HCN1: variants seen among roughly 807,000 people sequenced by gnomAD.
The protein encoded by HCN1 is potassium/sodium hyperpolarization-activated cyclic nucleotide-gated channel 1.
A neutral mutation model predicts 78.9 loss-of-function variants in HCN1; 13 were observed. That is an observed-to-expected ratio of 0.16 (90% confidence interval 0.11 to 0.26). The LOEUF (loss-of-function observed/expected upper bound fraction) is 0.26, where lower values mean the gene tolerates loss of function less well. Among genes scored for constraint, HCN1 ranks in the 10% least tolerant of loss-of-function variants. HCN1 has a pLI of 1.00. For missense variants in HCN1, 810 were observed against 1,154.3 expected, an observed-to-expected ratio of 0.70 and a Z score of 4.32; for synonymous variants, 552 against 455.5, an observed-to-expected ratio of 1.21 and a Z score of -2.70.
intron 5 of HCN1, among the ~76,000 whole-genome samples, chr5:45,316,572 G>T (rs889827601): frequency 6.6e-6 from 1 of 152,226 alleles, no homozygotes; most frequent in South Asian, 2.1e-4. Context: ...AGGGCAATCA[G>T]GCAGGAGAAA....
chr5:45,504,866 T>C (rs1184938347), intron 2 of HCN1, among the ~76,000 whole-genome samples: 1 of 152,232 alleles, frequency 6.6e-6, no homozygotes, highest in Non-Finnish European at 1.5e-5. Context: ...ATAAGCATTT[T>C]TTCATGTGTC....
chr5:45,677,643 G>T (rs958173346), intron 1 of HCN1, among the ~76,000 whole-genome samples: 2 of 151,698 alleles, frequency 1.3e-5, no homozygotes, highest in African/African-American at 2.4e-5. Flanking sequence ...TTCAAGGTAG[G>T]AATGAAAGGG....
intron 3 of HCN1, among the ~76,000 whole-genome samples, chr5:45,428,474 A>T (rs1169934599): frequency 6.6e-6 from 1 of 152,080 alleles, no homozygotes; most frequent in Non-Finnish European, 1.5e-5. Context: ...TTTAAAAAAA[A>T]TTCATGTCAC....
intron 6 of HCN1, among the ~76,000 whole-genome samples, chr5:45,269,276 CTT>C (rs1289730957): frequency 3.3e-5 from 5 of 152,152 alleles, no homozygotes; most frequent in African/African-American, 1.2e-4. Context: ...GAATTCTACA[CTT>C]TAATGAATTA....
chr5:45,565,289 C>T (rs932406296), intron 2 of HCN1, among the ~76,000 whole-genome samples: 17 of 152,146 alleles, frequency 1.1e-4, no homozygotes, highest in Admixed American at 4.6e-4. Flanking sequence ...GAAGTGTCAT[C>T]ATTAAGCTGC....
chr5:45,288,474 C>A (rs1267364259), intron 6 of HCN1, among the ~76,000 whole-genome samples: 2 of 151,940 alleles, frequency 1.3e-5, no homozygotes, highest in African/African-American at 2.4e-5. Flanking sequence ...CTGTAGAAAG[C>A]GTCTGTCTTA....
intron 2 of HCN1, among the ~76,000 whole-genome samples, chr5:45,501,474 G>A (rs1004603894): frequency 2.0e-5 from 3 of 151,352 alleles, no homozygotes; most frequent in African/African-American, 7.3e-5. Context: ...TGCTCTTGTC[G>A]CCCAGGCTGG....
intron 5 of HCN1, among the ~76,000 whole-genome samples, chr5:45,304,481 G>T (rs886615269): frequency 6.6e-6 from 1 of 152,000 alleles, no homozygotes. Context: ...TTCAAGACCA[G>T]CCTGGTCAAG....
chr5:45,335,558 G>T (rs1008479451), intron 5 of HCN1, among the ~76,000 whole-genome samples: 1 of 151,980 alleles, frequency 6.6e-6, no homozygotes, highest in Admixed American at 6.6e-5. Context: ...TCCCTCCTGA[G>T]TACTGGCCTG....
At chr5:45,517,417 C>T (rs1172521767) in intron 2 of HCN1, among the ~76,000 whole-genome samples, 1 of 147,908 alleles carries the variant, frequency 6.8e-6, no homozygotes, top group Non-Finnish European at 1.5e-5. Flanking sequence ...TTCATGCATA[C>T]ATTCATATTG....
chr5:45,598,041 G>C (rs958713715), intron 2 of HCN1, among the ~76,000 whole-genome samples: 2 of 152,024 alleles, frequency 1.3e-5, no homozygotes, highest in Middle Eastern at 6.8e-3. Flanking sequence ...CAATGACTTT[G>C]TTCACAGAAT....
chr5:45,549,223 A>T (rs1274670762), intron 2 of HCN1, among the ~76,000 whole-genome samples: 1 of 152,176 alleles, frequency 6.6e-6, no homozygotes. Flanking sequence ...AGCTGGAGGC[A>T]TCACGCTACC....
chr5:45,587,470 G>A (rs1561211524), intron 2 of HCN1, among the ~76,000 whole-genome samples: 2 of 150,376 alleles, frequency 1.3e-5, no homozygotes, highest in African/African-American at 4.9e-5. Context: ...AACACTGCAT[G>A]TTCTCACTCA....
chr5:45,261,885 G>A lies in HCN1; in HGVS notation c.*36C>T. On this transcript the variant is annotated 3_prime_UTR_variant, in exon 8 of 8. Coordinates refer to ENST00000303230, the MANE Select transcript of HCN1 (RefSeq NM_021072.4). ...AGATCTGAGTATAGTCTCAGTTTAT[G>A]AGAGTATTTCTTTCTGCTTTGACAA... 1 of 1,612,596 alleles carries A rather than the reference G, an allele frequency of 6.2e-7. No individual in the cohort carries two copies. Among genetic ancestry groups the A allele is most frequent in the Non-Finnish European group, 8.5e-7 (1 of 1,179,138 alleles).
intron 2 of HCN1, among the ~76,000 whole-genome samples, chr5:45,555,489 A>G (rs536064232): frequency 1.3e-5 from 2 of 152,104 alleles, no homozygotes; most frequent in Non-Finnish European, 2.9e-5. Flanking sequence ...TACAGAATCA[A>G]TGCAATCTTT....
At chr5:45,496,134 T>C (rs867009124) in intron 2 of HCN1, among the ~76,000 whole-genome samples, 1 of 152,058 alleles carries the variant, frequency 6.6e-6, no homozygotes, top group Admixed American at 6.5e-5. Flanking sequence ...TTAGGGAGGA[T>C]TCCCTCTTTT....
chr5:45,595,315 A>G (rs893372153), intron 2 of HCN1, among the ~76,000 whole-genome samples: 6 of 152,128 alleles, frequency 3.9e-5, no homozygotes, highest in African/African-American at 1.4e-4. Flanking sequence ...AATATATGCA[A>G]ATTAAGAATT....
intron 5 of HCN1, among the ~76,000 whole-genome samples, chr5:45,339,491 G>A (rs1246036308): frequency 6.6e-6 from 1 of 152,138 alleles, no homozygotes. Context: ...AAGCATTAAT[G>A]TGAAGAAAGG....
At chr5:45,284,583 C>T (rs1453750699) in intron 6 of HCN1, among the ~76,000 whole-genome samples, 1 of 152,080 alleles carries the variant, frequency 6.6e-6, no homozygotes, top group African/African-American at 2.4e-5. Flanking sequence ...ATCCTCTTTC[C>T]CTTGGCTAGT....
Sources: gnomAD v4.1 joint callset for allele counts (sites outside exome capture counted in the v4.1 genomes callset) on GRCh38, gnomAD v4.1.1 for gene constraint, MANE v1.5 for transcripts, NCBI Gene and HGNC (gene_info 2026-07-23, HGNC 2026-07-21) for gene names.